MYO1D: variants seen among roughly 807,000 people sequenced by gnomAD.
The protein encoded by MYO1D is myosin ID.
In MYO1D, 83 loss-of-function variants were observed where a neutral mutation model predicts 122.0. That is an observed-to-expected ratio of 0.68 (90% confidence interval 0.57 to 0.82). The LOEUF (loss-of-function observed/expected upper bound fraction) is 0.82. Among genes scored for constraint, MYO1D ranks in the 40% least tolerant of loss-of-function variants. The pLI, the probability that MYO1D is intolerant of heterozygous loss-of-function variation, is 0.00. For synonymous variants in MYO1D, 464 were observed against 446.9 expected (o/e 1.04, Z -0.48); for missense variants, 1,157 against 1,269.5 (o/e 0.91, Z 1.35).
intron 21 of MYO1D, among the ~76,000 whole-genome samples, chr17:32,503,704 A>G (rs1909398732): frequency 6.6e-6 from 1 of 152,238 alleles, no homozygotes; most frequent in South Asian, 2.1e-4. Context: ...CTAGAGTCAC[A>G]GAGACAGGCC....
chr17:32,590,093 T>C (rs925042634), intron 21 of MYO1D, among the ~76,000 whole-genome samples: 4 of 152,220 alleles, frequency 2.6e-5, no homozygotes, highest in African/African-American at 9.6e-5. Flanking sequence ...TTGGGCAGTT[T>C]TATATTTTTA....
intron 20 of MYO1D, among the ~76,000 whole-genome samples, chr17:32,612,632 G>A (rs2087715579): frequency 7.2e-6 from 1 of 138,072 alleles, no homozygotes; most frequent in African/African-American, 2.7e-5. Flanking sequence ...GTTACAGTGA[G>A]CTGATCACGC....
chr17:32,620,656 T>C (rs1334380405), intron 20 of MYO1D, among the ~76,000 whole-genome samples: 6 of 152,060 alleles, frequency 3.9e-5, no homozygotes, highest in Non-Finnish European at 7.4e-5. Context: ...ATGTCTAGGG[T>C]TTTTAGCTGT....
chr17:32,753,333 C>T (rs1393069971), intron 11 of MYO1D, among the ~76,000 whole-genome samples: 1 of 152,004 alleles, frequency 6.6e-6, no homozygotes, highest in Non-Finnish European at 1.5e-5. Context: ...CCAAAGTTTA[C>T]CTTTATGCAA....
At chr17:32,532,702 C>T (rs531605041) in intron 21 of MYO1D, among the ~76,000 whole-genome samples, 49 of 128,096 alleles carry the variant, frequency 3.8e-4, no homozygotes, top group Admixed American at 7.6e-4. Context: ...CCAGCCTGGG[C>T]GACAGAGTGA....
At chr17:32,534,943 A>G (rs1246031637) in intron 21 of MYO1D, among the ~76,000 whole-genome samples, 1 of 152,198 alleles carries the variant, frequency 6.6e-6, no homozygotes, top group Non-Finnish European at 1.5e-5. Context: ...GTGCCCAACT[A>G]CGTATAGAGA....
chr17:32,625,558 T>A lies in MYO1D; in HGVS notation c.2709+13164A>T, dbSNP rs2087916567. ...TATTTCTTTCCTCTTAAAACAGGAT[T>A]TTTTTTTTTTAAATAGGGTCTCGCT... On this transcript the variant is annotated intron_variant, in intron 20 of 21. Coordinates refer to ENST00000318217, the MANE Select transcript of MYO1D (RefSeq NM_015194.3). Among the ~76,000 whole-genome samples the A allele has an allele frequency of 2.0e-5, 3 of 150,490 alleles. No homozygotes were observed. In the South Asian group the frequency reaches 6.3e-4, roughly 32 times the overall value.
chr17:32,493,685 T>C lies in MYO1D; in HGVS notation c.*1074A>G, dbSNP rs1301986983. ...TGGGCAGAAACTGGCAAGCTGGCAG[T>C]GCTCCCTGGCACCAGTTTCACGGGC... is the stretch of plus-strand genomic sequence containing the variant. On this transcript the variant is annotated 3_prime_UTR_variant, in exon 22 of 22. Transcript: ENST00000318217. 1 of 152,322 alleles carries C rather than the reference T, an allele frequency of 6.6e-6. No individual in the cohort carries two copies. Among genetic ancestry groups the C allele is most frequent in the Non-Finnish European group, 1.5e-5 (1 of 68,114 alleles). 9.4% of individuals were successfully genotyped at this position (152,322 alleles called of 1,614,324 possible).
At chr17:32,522,034 A>G (rs1394168158) in intron 21 of MYO1D, among the ~76,000 whole-genome samples, 2 of 141,186 alleles carry the variant, frequency 1.4e-5, no homozygotes, top group Non-Finnish European at 3.0e-5. Flanking sequence ...GTGGGCTGAG[A>G]TCATGCCATT....
At chr17:32,771,523 C>T (rs529303116) in intron 5 of MYO1D, among the ~76,000 whole-genome samples, 128 of 152,248 alleles carry the variant, frequency 8.4e-4, no homozygotes, top group African/African-American at 3.0e-3. Context: ...AAACAGGATC[C>T]TATGCTCTGT....
intron 21 of MYO1D, among the ~76,000 whole-genome samples, chr17:32,597,998 G>T (rs1426531056): frequency 6.6e-6 from 1 of 151,558 alleles, no homozygotes; most frequent in East Asian, 1.9e-4. Context: ...TATCAATATA[G>T]ATAGAATTCT....
At chr17:32,738,444 G>C in intron 13 of MYO1D, 59 bp from the exon 14 acceptor site, 1 of 1,467,222 alleles carries the variant, frequency 6.8e-7, no homozygotes, top group Admixed American at 2.3e-5. Context: ...GATAAAAACT[G>C]ATAAGCAATT....
chr17:32,577,540 C>T (rs1424191933), intron 21 of MYO1D, among the ~76,000 whole-genome samples: 5 of 151,864 alleles, frequency 3.3e-5, no homozygotes, highest in Admixed American at 2.6e-4. Flanking sequence ...AGAAAGGATG[C>T]TTTTAGGTTT....
At chr17:32,813,035 C>T (rs979479980) in intron 1 of MYO1D, among the ~76,000 whole-genome samples, 3 of 152,224 alleles carry the variant, frequency 2.0e-5, no homozygotes, top group Non-Finnish European at 4.4e-5. Context: ...GTTCAATCTT[C>T]AACAACTATC....
chr17:32,540,197 G>T (rs1177334361), intron 21 of MYO1D, among the ~76,000 whole-genome samples: 1 of 151,766 alleles, frequency 6.6e-6, no homozygotes, highest in Non-Finnish European at 1.5e-5. Flanking sequence ...GTACAAATTA[G>T]CCAAGTGTAG....
intron 1 of MYO1D, among the ~76,000 whole-genome samples, chr17:32,784,756 G>A (rs76556229): frequency 0.015 from 2,209 of 152,200 alleles, 43 homozygotes; most frequent in African/African-American, 0.048. Flanking sequence ...AAGTCAAGAT[G>A]AGAGGGGCTC....
intron 21 of MYO1D, among the ~76,000 whole-genome samples, chr17:32,553,779 T>G (rs961977255): frequency 6.6e-6 from 1 of 152,180 alleles, no homozygotes; most frequent in African/African-American, 2.4e-5. Context: ...CTTCTTCTTC[T>G]CCACACATGG....
intron 16 of MYO1D, among the ~76,000 whole-genome samples, chr17:32,675,312 T>C (rs1007012246): frequency 1.3e-5 from 2 of 152,216 alleles, no homozygotes; most frequent in Non-Finnish European, 2.9e-5. Context: ...TCCTGTGATG[T>C]TGAAGTTTTA....
At chr17:32,593,815 TA>T (rs1263531071) in intron 21 of MYO1D, among the ~76,000 whole-genome samples, 1 of 152,134 alleles carries the variant, frequency 6.6e-6, no homozygotes, top group Non-Finnish European at 1.5e-5. Flanking sequence ...AGCATGCCTG[TA>T]ATCCCAGCTA....
Sources: gnomAD v4.1 joint callset for allele counts (sites outside exome capture counted in the v4.1 genomes callset) on GRCh38, gnomAD v4.1.1 for gene constraint, MANE v1.5 for transcripts, NCBI Gene and HGNC (gene_info 2026-07-23, HGNC 2026-07-21) for gene names.